EPHA6: variants seen among roughly 807,000 people sequenced by gnomAD.
EPHA6 encodes the protein ephrin type-A receptor 6.
Under a neutral mutation model 112.0 loss-of-function variants are expected in EPHA6, and 50 were observed. The observed-to-expected ratio is 0.45, with a 90% CI of 0.36 to 0.56. The LOEUF (loss-of-function observed/expected upper bound fraction) is 0.56. Among genes scored for constraint, EPHA6 ranks in the 20% least tolerant of loss-of-function variants. The pLI is 0.00. For missense variants in EPHA6, 1,280 were observed against 1,417.4 expected, an observed-to-expected ratio of 0.90 and a Z score of 1.56; for synonymous variants, 529 against 490.7, an observed-to-expected ratio of 1.08 and a Z score of -1.03.
At chr3:97,085,098 T>G (rs574652272) in intron 3 of EPHA6, among the ~76,000 whole-genome samples, 1 of 152,274 alleles carries the variant, frequency 6.6e-6, no homozygotes, top group South Asian at 2.1e-4. Context: ...ACTTTGAAAT[T>G]ACATCAAATA....
At chr3:97,031,448 G>A (rs2044838037) in intron 3 of EPHA6, among the ~76,000 whole-genome samples, 1 of 152,038 alleles carries the variant, frequency 6.6e-6, no homozygotes, top group Admixed American at 6.6e-5. Context: ...TGACAAATGG[G>A]ATCTAATTAA....
At chr3:97,398,083 A>C (rs1013138862) in intron 5 of EPHA6, among the ~76,000 whole-genome samples, 4 of 151,452 alleles carry the variant, frequency 2.6e-5, no homozygotes, top group Non-Finnish European at 5.9e-5. Flanking sequence ...AAATAGAAAA[A>C]TAGTACCTAT....
intron 5 of EPHA6, among the ~76,000 whole-genome samples, chr3:97,384,847 T>C (rs1395451062): frequency 6.6e-6 from 1 of 152,156 alleles, no homozygotes; most frequent in Non-Finnish European, 1.5e-5. Context: ...ATCAACATCT[T>C]GAAGAACTCT....
At chr3:96,929,366 G>C (rs972328478) in intron 2 of EPHA6, among the ~76,000 whole-genome samples, 1 of 152,164 alleles carries the variant, frequency 6.6e-6, no homozygotes, top group African/African-American at 2.4e-5. Context: ...AATATTGGCT[G>C]CTAATGGTTT....
Position 96,987,260 on chromosome 3 carries a change from T to A in EPHA6, c.451-70T>A, listed in dbSNP as rs79572640. 3.0e-3 allele frequency: 4,177 copies of A among 1,370,722 alleles called. 81 individuals carry two copies. The African/African-American group carries it at 0.044, about 14-fold the overall frequency. 84.9% of individuals were successfully genotyped at this position (1,370,722 alleles called of 1,614,324 possible). A position where few individuals can be genotyped will look rare whatever the true frequency, so the allele number is the denominator to read the frequency against. ...TTTTATTTTGGTAAAACAAAAAAAA[T>A]TGTAAGTAATCATTTCTGTTTAATC... On this transcript the variant is annotated intron_variant, in intron 2 of 17. Coordinates refer to ENST00000389672, the MANE Select transcript of EPHA6 (RefSeq NM_001080448.3).
intron 12 of EPHA6, among the ~76,000 whole-genome samples, chr3:97,596,902 A>ATATATATATATATG (rs1488752484): frequency 9.9e-4 from 113 of 114,292 alleles, no homozygotes; most frequent in African/African-American, 3.1e-3. Context: ...ATATATATAT[A>ATATATATATATATG]TATGTATGTA....
intron 14 of EPHA6, among the ~76,000 whole-genome samples, chr3:97,668,536 T>C (rs934647496): frequency 2.6e-5 from 4 of 152,156 alleles, no homozygotes; most frequent in Admixed American, 6.6e-5. Context: ...AAGAAGTATC[T>C]CTGAAATATT....
chr3:97,691,809 A>G (rs574042939), intron 14 of EPHA6, among the ~76,000 whole-genome samples: 81 of 152,382 alleles, frequency 5.3e-4, no homozygotes, highest in African/African-American at 1.9e-3. Context: ...CATAAACCAC[A>G]TGACATCCTG....
Position 97,637,870 on chromosome 3 carries a change from C to T in EPHA6, c.2575-3C>T. 1 of 1,612,474 alleles carries T rather than the reference C, an allele frequency of 6.2e-7. No homozygotes were observed. Among genetic ancestry groups the T allele is most frequent in the Non-Finnish European group, 8.5e-7 (1 of 1,178,556 alleles). On this transcript the variant is annotated splice_polypyrimidine_tract_variant and splice_region_variant and intron_variant, in intron 13 of 17. Transcript: ENST00000389672. Reference sequence around the variant, plus strand: ...AATTTACACAATTGTGATTCTCTTGCAGAAGCATGATGGCCACTTCACAGT... The same window carrying T: ...AATTTACACAATTGTGATTCTCTTGTAGAAGCATGATGGCCACTTCACAGT...
At position 97,584,664 on chromosome 3, in the gene EPHA6, C is replaced by T. The variant is rs192600892; in HGVS notation, c.2387-7948C>T. Among the ~76,000 whole-genome samples the T allele has an allele frequency of 9.9e-5, 15 of 152,228 alleles. No homozygotes were observed. The East Asian group carries it at 2.9e-3, about 29-fold the overall frequency. On this transcript the variant is annotated intron_variant, in intron 11 of 17. Transcript: ENST00000389672. Reference sequence around the variant, plus strand: ...GCAAGTAAGTTCTCTCCAGCTATGTCAAGCACGTTTTGACATGGGAGATGA... The same window carrying T: ...GCAAGTAAGTTCTCTCCAGCTATGTTAAGCACGTTTTGACATGGGAGATGA...
At position 96,987,416 on chromosome 3, in the gene EPHA6, C is replaced by T. The variant is rs1353888053; in HGVS notation, c.537C>T (p.Asn179=). 2 of 1,613,884 alleles carry T rather than the reference C, an allele frequency of 1.2e-6. No homozygotes were observed. The highest frequency in any genetic ancestry group is 4.5e-5 in the East Asian group (2 of 44,878). ...VCNVMEPNQN[N]WLRTNWISRD... ...ATGTAATGGAACCAAACCAAAACAA[C>T]TGGCTTCGTACAAACTGGATCTCCC... is the stretch of plus-strand genomic sequence containing the variant. The change falls in exon 3 of 18, where the codon AAC becomes AAT. Residue 179 remains asparagine (N), a synonymous_variant. Transcript: ENST00000389672.
chr3:97,708,685 A>C (rs9815150), intron 14 of EPHA6, among the ~76,000 whole-genome samples: 13,194 of 152,306 alleles, frequency 0.087, 1,872 homozygotes, highest in African/African-American at 0.3. Context: ...TTCCCAACAC[A>C]GGCCTGGAGG....
rs944597934 is a variant in EPHA6 at position 97,330,135 on chromosome 3, C to T, written c.1607-75015C>T. On this transcript the variant is annotated intron_variant, in intron 5 of 17. Transcript: ENST00000389672. ...CAAAGATCAGATGGTTGTAGATATG[C>T]AGCATTATTTCTGAGGGCTCTGTTC... Among the ~76,000 whole-genome samples, 364 of 151,542 alleles carry T rather than the reference C, an allele frequency of 2.4e-3. 1 individual carries two copies. Among genetic ancestry groups the T allele is most frequent in the African/African-American group, 8.1e-3 (333 of 41,356 alleles).
intron 1 of EPHA6, among the ~76,000 whole-genome samples, chr3:96,822,193 A>T (rs1250970567): frequency 6.6e-6 from 1 of 151,988 alleles, no homozygotes; most frequent in Non-Finnish European, 1.5e-5. Context: ...CACACATTTA[A>T]TGACATCGTG....
intron 5 of EPHA6, among the ~76,000 whole-genome samples, chr3:97,261,191 T>A (rs1360348197): frequency 6.6e-6 from 1 of 152,148 alleles, no homozygotes; most frequent in East Asian, 1.9e-4. Context: ...GGGCAGCATT[T>A]ATTATATGGC....
At chr3:96,852,938 A>T (rs2035483211) in intron 1 of EPHA6, among the ~76,000 whole-genome samples, 1 of 152,156 alleles carries the variant, frequency 6.6e-6, no homozygotes, top group African/African-American at 2.4e-5. Flanking sequence ...GGTGACTAGG[A>T]TATAACTGTC....
intron 9 of EPHA6, chr3:97,481,613 T>C (rs879737937): frequency 8.5e-5 from 41 of 482,846 alleles, no homozygotes; most frequent in Non-Finnish European, 1.6e-4. Flanking sequence ...GGAGCAGCTG[T>C]TGCGCCCTCC....
intron 16 of EPHA6, among the ~76,000 whole-genome samples, chr3:97,746,982 A>T: frequency 6.6e-6 from 1 of 151,954 alleles, no homozygotes; most frequent in Non-Finnish European, 1.5e-5. Flanking sequence ...AAGGACATGG[A>T]TTCAGGGGTA....
intron 2 of EPHA6, among the ~76,000 whole-genome samples, chr3:96,978,238 C>G (rs111281698): frequency 6.6e-6 from 1 of 152,018 alleles, no homozygotes. Flanking sequence ...CATGAAGTGG[C>G]CTTCATCCTT....
Sources: allele counts gnomAD v4.1 joint callset (sites outside exome capture counted in the v4.1 genomes callset), GRCh38; gene constraint gnomAD v4.1.1; transcripts MANE v1.5; gene names NCBI Gene and HGNC (gene_info 2026-07-23, HGNC 2026-07-21).